The following FGR variants were observed in gnomAD, a reference collection of about 807,000 sequenced individuals.
FGR encodes the protein FGR proto-oncogene, Src family tyrosine kinase.
FGR carries 26 observed loss-of-function variants against 63.2 expected under a neutral mutation model. That is an observed-to-expected ratio of 0.41 (90% CI 0.30 to 0.57). The LOEUF (loss-of-function observed/expected upper bound fraction) is 0.57, where lower values mean the gene tolerates loss of function less well. Ranked by LOEUF, FGR falls within the 20% of genes least tolerant of loss-of-function variation. The pLI is 0.27. For missense variants in FGR, 511 were observed against 690.8 expected, an observed-to-expected ratio of 0.74 and a Z score of 2.92; for synonymous variants, 286 against 277.7, an observed-to-expected ratio of 1.03 and a Z score of -0.30.
rs2089712884 is a variant in FGR, at chr1:27,612,471, C to A, written c.*443G>T. The stretch of plus-strand genomic sequence containing the variant: ...GAAAGGGGTCCAGCCAAGACTTTTC[C>A]TGACTTTGTAACTTACAGACACAAG... On this transcript the variant is annotated 3_prime_UTR_variant, in exon 13 of 13. Coordinates refer to ENST00000374005, the MANE Select transcript of FGR (RefSeq NM_005248.3). 6.1e-6 allele frequency: 1 copy of A among 164,410 alleles called. No individual in the cohort carries two copies. The highest frequency in any genetic ancestry group is 2.4e-5 in the African/African-American group (1 of 41,592). 10.2% of individuals were successfully genotyped at this position (164,410 alleles called of 1,614,324 possible).
intron 1 of FGR, among the ~76,000 whole-genome samples, chr1:27,628,723 TC>T (rs1337595863): frequency 1.3e-5 from 2 of 152,162 alleles, no homozygotes; most frequent in African/African-American, 4.8e-5. Context: ...ATGGAGGGGA[TC>T]CCTGAATTCT....
intron 1 of FGR, among the ~76,000 whole-genome samples, chr1:27,625,694 A>G (rs57143021): frequency 0.021 from 3,195 of 152,278 alleles, 109 homozygotes; most frequent in African/African-American, 0.072. Context: ...TAATCCCAGC[A>G]CTTTGGGAGA....
rs772817659 is a variant in FGR, at chr1:27,615,668, C to T, written c.838+21G>A. The stretch of plus-strand genomic sequence containing the variant: ...CTCCCCCGAGCCCAGGCCCTCGTCC[C>T]GGCCCCCGGGAGCTCCGTACCCAGC... On this transcript the variant is annotated intron_variant, in intron 8 of 12. Coordinates refer to ENST00000374005, the MANE Select transcript of FGR (RefSeq NM_005248.3). The surrounding 1 kb of genome is among the most constrained non-coding windows in gnomAD (Gnocchi z 7.6). 4 of 1,592,236 alleles carry T rather than the reference C, an allele frequency of 2.5e-6. No homozygotes were observed. The highest frequency in any genetic ancestry group is 2.7e-5 in the African/African-American group (2 of 74,424).
intron 10 of FGR, 70 bp from the exon 11 acceptor site, chr1:27,614,653 G>A: frequency 1.3e-6 from 2 of 1,563,052 alleles, no homozygotes; most frequent in South Asian, 1.2e-5. Flanking sequence ...TTTGAGGGGT[G>A]AGGGACCATT....
In FGR at chr1:27,615,979, G is replaced by A. The variant is rs2089803996; in HGVS notation, c.683-135C>T. Reference sequence around the variant, plus strand: ...GGCCCCAAGTGAGGTCACAGGCCAGGAAGAAAGGCAACCCGATCCACTAAA... The same window carrying A: ...GGCCCCAAGTGAGGTCACAGGCCAGAAAGAAAGGCAACCCGATCCACTAAA... On this transcript the variant is annotated intron_variant, in intron 7 of 12. Coordinates refer to ENST00000374005, the MANE Select transcript of FGR (RefSeq NM_005248.3). This position sits in a 1 kb window ranked among gnomAD's most constrained non-coding sequence, Gnocchi z 7.6. 2 of 991,852 alleles carry A rather than the reference G, an allele frequency of 2.0e-6. No homozygotes were observed. The highest frequency in any genetic ancestry group is 3.3e-5 in the African/African-American group (2 of 60,914). The allele number at this position is 991,852 out of a possible 1,614,324, so 61.4% of individuals were successfully genotyped here. A position where few individuals can be genotyped will look rare whatever the true frequency, so the allele number is the denominator to read the frequency against.
intron 5 of FGR, among the ~76,000 whole-genome samples, chr1:27,618,330 C>T (rs1029389347): frequency 2.0e-5 from 3 of 152,306 alleles, no homozygotes; most frequent in East Asian, 1.9e-4. Flanking sequence ...ACACATATTT[C>T]GTGTTAGGGT....
intron 1 of FGR, among the ~76,000 whole-genome samples, chr1:27,629,575 A>T (rs2090075284): frequency 6.6e-6 from 1 of 152,236 alleles, no homozygotes; most frequent in South Asian, 2.1e-4. Context: ...CTGCTCAGAC[A>T]TCTGCATGAA....
chr1:27,621,023 AGAAAG>A (rs2089913979), intron 5 of FGR, among the ~76,000 whole-genome samples: 1 of 147,320 alleles, frequency 6.8e-6, no homozygotes. Context: ...AAAAAAAGAA[AGAAAG>A]AAAGAAAAGA....
intron 4 of FGR, among the ~76,000 whole-genome samples, chr1:27,622,806 G>A (rs1272906381): frequency 6.6e-6 from 1 of 152,114 alleles, no homozygotes. Context: ...GCACCCGGCC[G>A]TCTATTTCAT....
intron 1 of FGR, among the ~76,000 whole-genome samples, chr1:27,625,361 C>G (rs2090003325): frequency 6.6e-6 from 1 of 152,156 alleles, no homozygotes; most frequent in Non-Finnish European, 1.5e-5. Flanking sequence ...CTCTTTCACA[C>G]TCATACTCAC....
intron 1 of FGR, among the ~76,000 whole-genome samples, chr1:27,625,662 CA>C (rs2090009344): frequency 6.6e-6 from 1 of 152,214 alleles, no homozygotes; most frequent in South Asian, 2.1e-4. Flanking sequence ...TTCTTCCGGC[CA>C]GGCGCAGTGG....
rs571316216 is a variant in FGR, at chr1:27,634,557, C to T, written c.-77+508G>A. On this transcript the variant is annotated intron_variant, in intron 1 of 12. Coordinates refer to ENST00000374005, the MANE Select transcript of FGR (RefSeq NM_005248.3). Reference sequence around the variant, plus strand: ...ACCCGCAATTGCACCCCAGGTTCTCCGTCCTCCAGAAGTCGTTCTCCTCAA... The same window carrying T: ...ACCCGCAATTGCACCCCAGGTTCTCTGTCCTCCAGAAGTCGTTCTCCTCAA... Among the ~76,000 whole-genome samples the T allele has an allele frequency of 8.3e-4, 126 of 152,264 alleles. 1 individual carries two copies. Among genetic ancestry groups the T allele is most frequent in the Middle Eastern group, 3.4e-3 (1 of 294 alleles).
intron 5 of FGR, among the ~76,000 whole-genome samples, chr1:27,618,474 G>A (rs768298370): frequency 6.6e-6 from 1 of 152,116 alleles, no homozygotes; most frequent in Non-Finnish European, 1.5e-5. Flanking sequence ...TTTAGGGCCT[G>A]TGCTCCTAAC....
chr1:27,621,665 C>T lies in FGR; in HGVS notation c.330-8G>A, dbSNP rs2089929447. 1.2e-6 allele frequency: 2 copies of T among 1,609,788 alleles called. No individual in the cohort carries two copies. The highest frequency in any genetic ancestry group is 1.7e-4 in the Middle Eastern group (1 of 6,058). On this transcript the variant is annotated splice_region_variant and splice_polypyrimidine_tract_variant and intron_variant, in intron 4 of 12. Transcript: ENST00000374005. ...TCCCACCAGTCACCTTCACTGTAGGCACAGAACAGGGCATGGTCAGCAGCA... is the reference window on the plus strand; with the variant it reads ...TCCCACCAGTCACCTTCACTGTAGGTACAGAACAGGGCATGGTCAGCAGCA...
Position 27,613,213 on chromosome 1 carries a change from G to A in FGR, c.1381+6C>T, listed in dbSNP as rs375616021. 5.9e-5 allele frequency: 95 copies of A among 1,612,596 alleles called. No homozygotes were observed. In the African/African-American group the frequency reaches 1.0e-3, roughly 18 times the overall value. On this transcript the variant is annotated splice_donor_region_variant and intron_variant, in intron 12 of 12. Coordinates refer to ENST00000374005, the MANE Select transcript of FGR (RefSeq NM_005248.3). ...CCACCCCAGCCCTACCCCTGGCGAG[G>A]CAAACCTGGGTAGGGGATTCGGCCC...
chr1:27,615,619 C>T lies in FGR; in HGVS notation c.839-6G>A, dbSNP rs756559267. The T allele has an allele frequency of 1.1e-5, 17 of 1,603,618 alleles. No homozygotes were observed. The South Asian group carries it at 1.7e-4, about 16-fold the overall frequency. ...AGTGCTGCCGTTCCACGTGCCTGCT[C>T]GGAGGCTGTCTTGTCAGGACCCTCT... is the stretch of plus-strand genomic sequence containing the variant. On this transcript the variant is annotated splice_region_variant and splice_polypyrimidine_tract_variant and intron_variant, in intron 8 of 12. Coordinates refer to ENST00000374005, the MANE Select transcript of FGR (RefSeq NM_005248.3). The surrounding 1 kb of genome is among the most constrained non-coding windows in gnomAD (Gnocchi z 7.6).
Position 27,623,113 on chromosome 1 carries a change from A to G in FGR, c.258T>C (p.Tyr86=). 1 of 1,614,074 alleles carries G rather than the reference A, an allele frequency of 6.2e-7. No homozygotes were observed. Among genetic ancestry groups the G allele is most frequent in the Non-Finnish European group, 8.5e-7 (1 of 1,179,934 alleles). ...CATCCTCAGTTCGAGCCTCATAGTC[A>G]TACAGGGCAATGAACAGGGTCACCC... ...GIGVTLFIAL[Y]DYEARTEDDL... is the part of the protein sequence containing the mutation. The change falls in exon 4 of 13, where the codon TAT becomes TAC. Residue 86 remains tyrosine, a synonymous_variant. Coordinates refer to ENST00000374005, the MANE Select transcript of FGR (RefSeq NM_005248.3).
chr1:27,627,739 G>A (rs927873276), intron 1 of FGR, among the ~76,000 whole-genome samples: 6 of 152,130 alleles, frequency 3.9e-5, no homozygotes, highest in Non-Finnish European at 1.5e-5. Context: ...CTCCTGAGTA[G>A]CTGGGATTAC....
At chr1:27,630,944 T>C (rs1021992795) in intron 1 of FGR, among the ~76,000 whole-genome samples, 2 of 152,168 alleles carry the variant, frequency 1.3e-5, no homozygotes, top group Middle Eastern at 3.2e-3. Flanking sequence ...GACATAAGCC[T>C]CTGAGCCTTA....
Sources: allele counts gnomAD v4.1 joint callset (sites outside exome capture counted in the v4.1 genomes callset), GRCh38; gene constraint gnomAD v4.1.1; non-coding constraint Gnocchi (gnomAD v3.1); transcripts MANE v1.5; gene names NCBI Gene and HGNC (gene_info 2026-07-23, HGNC 2026-07-21).